AFF3: variants seen among roughly 807,000 people sequenced by gnomAD.
The protein encoded by AFF3 is AF4/FMR2 family member 3.
Under a neutral mutation model 129.7 loss-of-function variants are expected in AFF3, and 32 were observed. That is an observed-to-expected ratio of 0.25 (90% CI 0.19 to 0.33). AFF3 has a LOEUF of 0.33. Among genes scored for constraint, AFF3 ranks in the 10% least tolerant of loss-of-function variants. AFF3 has a pLI of 1.00. For missense variants in AFF3, 1,373 were observed against 1,592.0 expected (o/e 0.86, Z 2.34); for synonymous variants, 644 against 635.4 (o/e 1.01, Z -0.20).
At chr2:99,631,560 A>T (rs1261531571) in intron 13 of AFF3, among the ~76,000 whole-genome samples, 1 of 152,140 alleles carries the variant, frequency 6.6e-6, no homozygotes, top group Non-Finnish European at 1.5e-5. Flanking sequence ...GTCTCTATGA[A>T]CTGGACTACT....
intron 4 of AFF3, among the ~76,000 whole-genome samples, chr2:100,060,540 A>C: frequency 6.6e-6 from 1 of 152,204 alleles, no homozygotes; most frequent in South Asian, 2.1e-4. Flanking sequence ...CTATAGATAT[A>C]TATCAGCTCT....
At chr2:100,050,738 T>TC (rs1686251610) in intron 4 of AFF3, among the ~76,000 whole-genome samples, 1 of 152,172 alleles carries the variant, frequency 6.6e-6, no homozygotes, top group African/African-American at 2.4e-5. Context: ...AAAGGGCAGA[T>TC]CATTACCCCC....
chr2:99,864,559 G>A (rs1278854086), intron 7 of AFF3, among the ~76,000 whole-genome samples: 2 of 152,134 alleles, frequency 1.3e-5, no homozygotes, highest in African/African-American at 4.8e-5. Context: ...TCATGAAAAG[G>A]CCTCATGACC....
At chr2:99,554,620 C>T (rs924300162) in intron 23 of AFF3, 63 bp downstream of exon 23, 50 of 1,611,746 alleles carry the variant, frequency 3.1e-5, no homozygotes, top group South Asian at 2.5e-4. Flanking sequence ...GAAAGCAAAG[C>T]GCAGTGGCCC....
intron 13 of AFF3, among the ~76,000 whole-genome samples, chr2:99,625,723 A>G (rs1396914012): frequency 6.6e-6 from 1 of 152,214 alleles, no homozygotes; most frequent in Non-Finnish European, 1.5e-5. Context: ...AAGCAATGTA[A>G]TACAACAGTT....
At chr2:99,566,440 T>C (rs1675975846) in intron 19 of AFF3, among the ~76,000 whole-genome samples, 1 of 152,130 alleles carries the variant, frequency 6.6e-6, no homozygotes, top group Admixed American at 6.5e-5. Flanking sequence ...CCCAGTGTTT[T>C]GGGAAGGTGA....
intron 7 of AFF3, among the ~76,000 whole-genome samples, chr2:99,893,461 T>C (rs939780626): frequency 6.6e-6 from 1 of 152,118 alleles, no homozygotes; most frequent in Non-Finnish European, 1.5e-5. Flanking sequence ...TGGGAGGTAA[T>C]TCGGGTTGGA....
At chr2:99,918,488 GT>G (rs1396941110) in intron 7 of AFF3, among the ~76,000 whole-genome samples, 2 of 152,098 alleles carry the variant, frequency 1.3e-5, no homozygotes, top group African/African-American at 4.8e-5. Context: ...CCAGGTTCAG[GT>G]CCTGCCTTCC....
chr2:100,043,813 C>T (rs1459214911), intron 4 of AFF3, among the ~76,000 whole-genome samples: 1 of 152,020 alleles, frequency 6.6e-6, no homozygotes, highest in African/African-American at 2.4e-5. Context: ...AATAATAAAC[C>T]CAAAGGGTTT....
At chr2:99,960,820 G>A (rs888932630) in intron 7 of AFF3, among the ~76,000 whole-genome samples, 9 of 152,146 alleles carry the variant, frequency 5.9e-5, no homozygotes, top group African/African-American at 1.9e-4. Context: ...AGAGGAAGGC[G>A]TTCCAGGACT....
chr2:99,964,666 A>G (rs991094099), intron 7 of AFF3, among the ~76,000 whole-genome samples: 2 of 152,186 alleles, frequency 1.3e-5, no homozygotes, highest in East Asian at 3.8e-4. Flanking sequence ...AGGAACTTCT[A>G]AAGTATTACA....
At chr2:100,140,591 C>T (rs1024602904) in intron 1 of AFF3, among the ~76,000 whole-genome samples, 2 of 152,166 alleles carry the variant, frequency 1.3e-5, no homozygotes, top group African/African-American at 4.8e-5. Flanking sequence ...GATACAATAA[C>T]AAAATGTGTG....
chr2:100,135,650 G>A (rs75489183), intron 1 of AFF3, among the ~76,000 whole-genome samples: 2,964 of 152,276 alleles, frequency 0.019, 105 homozygotes, highest in African/African-American at 0.068. Flanking sequence ...GAGCAAATGC[G>A]GAAGGTTGTT....
chr2:99,709,360 A>T (rs1677691612), intron 11 of AFF3, among the ~76,000 whole-genome samples: 1 of 152,202 alleles, frequency 6.6e-6, no homozygotes, highest in African/African-American at 2.4e-5. Flanking sequence ...ACCACCCCAG[A>T]GAGCCGTAAG....
intron 4 of AFF3, among the ~76,000 whole-genome samples, chr2:100,104,041 A>C (rs571147541): frequency 1.1e-4 from 16 of 151,858 alleles, no homozygotes; most frequent in African/African-American, 3.4e-4. Context: ...TCGGAGGGAA[A>C]GGAAGTGAGA....
chr2:99,668,719 G>A (rs909681247), intron 12 of AFF3, among the ~76,000 whole-genome samples: 5 of 141,720 alleles, frequency 3.5e-5, no homozygotes, highest in East Asian at 2.0e-4. Context: ...CATGCACCAC[G>A]CCTGGCTAAT....
chr2:99,879,211 G>A (rs574674684), intron 7 of AFF3, among the ~76,000 whole-genome samples: 9 of 152,178 alleles, frequency 5.9e-5, no homozygotes, highest in African/African-American at 1.4e-4. Context: ...AGTCAGTGAC[G>A]TCCCTACACA....
chr2:99,715,165 G>A (rs1320556459), intron 11 of AFF3, among the ~76,000 whole-genome samples: 3 of 152,198 alleles, frequency 2.0e-5, no homozygotes, highest in African/African-American at 7.2e-5. Context: ...AGCTCACTCT[G>A]GCTGGCATCT....
At chr2:99,557,701 G>A (rs766023482) in intron 22 of AFF3, among the ~76,000 whole-genome samples, 8 of 152,122 alleles carry the variant, frequency 5.3e-5, no homozygotes, top group Admixed American at 2.0e-4. Context: ...GACACAGGAC[G>A]GTCAATGGGC....
Sources: allele counts gnomAD v4.1 joint callset (sites outside exome capture counted in the v4.1 genomes callset), GRCh38; gene constraint gnomAD v4.1.1; transcripts MANE v1.5; gene names NCBI Gene and HGNC (gene_info 2026-07-23, HGNC 2026-07-21).